GUCY2C: variants seen among roughly 807,000 people sequenced by gnomAD.
GUCY2C encodes guanylate cyclase 2C, also known as guanylyl cyclase C.
In GUCY2C, 118 loss-of-function variants were observed where a neutral mutation model predicts 131.1. That is an observed-to-expected ratio of 0.90 (90% CI 0.78 to 1.05). GUCY2C has a LOEUF of 1.05. Among genes scored for constraint, GUCY2C ranks in the 50% least tolerant of loss-of-function variants. The pLI, the probability that GUCY2C is intolerant of heterozygous loss-of-function variation, is 0.00. For missense variants in GUCY2C, 1,161 were observed against 1,304.4 expected, an observed-to-expected ratio of 0.89 and a Z score of 1.69; for synonymous variants, 452 against 457.8, an observed-to-expected ratio of 0.99 and a Z score of 0.16.
chr12:14,691,495 C>T (rs1948573787), intron 1 of GUCY2C, among the ~76,000 whole-genome samples: 2 of 152,072 alleles, frequency 1.3e-5, no homozygotes, highest in African/African-American at 4.8e-5. Flanking sequence ...ATGTGAGGAA[C>T]TGTAGAAAAT....
intron 25 of GUCY2C, 150 bp from the exon 26 acceptor site, chr12:14,615,093 A>T: frequency 1.9e-6 from 1 of 519,158 alleles, no homozygotes; most frequent in Non-Finnish European, 3.4e-6. Flanking sequence ...CATTCCTGTT[A>T]TGATTTGCAT....
intron 10 of GUCY2C, among the ~76,000 whole-genome samples, chr12:14,663,572 T>G (rs574953598): frequency 5.3e-5 from 8 of 152,334 alleles, no homozygotes; most frequent in African/African-American, 1.4e-4. Flanking sequence ...CGTGAGCCAC[T>G]GTGCCCAGCC....
At chr12:14,669,231 G>T (rs557287053) in intron 10 of GUCY2C, among the ~76,000 whole-genome samples, 1 of 148,878 alleles carries the variant, frequency 6.7e-6, no homozygotes, top group African/African-American at 2.5e-5. Flanking sequence ...TTTGAGACAG[G>T]ATCTCACTCT....
At chr12:14,651,172 C>G (rs993199219) in intron 15 of GUCY2C, among the ~76,000 whole-genome samples, 6 of 152,148 alleles carry the variant, frequency 3.9e-5, no homozygotes, top group Non-Finnish European at 8.8e-5. Context: ...TTTTCCACTT[C>G]CATTCTCTGT....
chr12:14,622,025 C>T lies in GUCY2C; in HGVS notation c.2581G>A (p.Asp861Asn), dbSNP rs755853968. 18 of 1,604,124 alleles carry T rather than the reference C, an allele frequency of 1.1e-5. No homozygotes were observed. The South Asian group carries it at 1.9e-4, about 17-fold the overall frequency. ...DIYKSFDHIVDHHDVYKVETI... is the reference protein window; with the variant it reads ...DIYKSFDHIVNHHDVYKVETI... ...GTTACCTTGTAGACATCATGATGAT[C>T]AACAATGTGGTCAAAACTCTTATAG... Residue 861 changes from aspartate (D) to asparagine (N), a missense_variant, in exon 22 of 27, where the codon GAT (aspartate) becomes AAT (asparagine). By Grantham distance (23) the Asp-to-Asn change is conservative. Transcript: ENST00000261170.
chr12:14,675,762 A>G (rs1048636204), intron 7 of GUCY2C, among the ~76,000 whole-genome samples: 2 of 152,232 alleles, frequency 1.3e-5, no homozygotes, highest in Admixed American at 6.5e-5. Context: ...TACCTCCGGC[A>G]TGTTGGACTG....
intron 10 of GUCY2C, among the ~76,000 whole-genome samples, chr12:14,669,371 AT>A (rs796096394): frequency 3.5e-3 from 494 of 139,900 alleles, no homozygotes; most frequent in Non-Finnish European, 3.7e-3. Flanking sequence ...TGCCTGGGTA[AT>A]TTTTTTTTTT....
At chr12:14,669,093 G>A (rs558518241) in intron 10 of GUCY2C, among the ~76,000 whole-genome samples, 3 of 152,226 alleles carry the variant, frequency 2.0e-5, no homozygotes, top group African/African-American at 4.8e-5. Flanking sequence ...ATTTTTGCCA[G>A]TTGTCAAACC....
At chr12:14,687,858 G>A (rs1159739349) in intron 2 of GUCY2C, 93 bp downstream of exon 2, 1 of 735,160 alleles carries the variant, frequency 1.4e-6, no homozygotes, top group Non-Finnish European at 2.5e-6. Flanking sequence ...GAGATGATGG[G>A]AGAGCTGCTT....
intron 2 of GUCY2C, among the ~76,000 whole-genome samples, chr12:14,687,387 A>G (rs550918904): frequency 1.3e-5 from 2 of 152,320 alleles, no homozygotes; most frequent in South Asian, 2.1e-4. Context: ...TGGGAGGCCA[A>G]TGGGGGCAGA....
chr12:14,619,107 C>A (rs1178708054), intron 24 of GUCY2C, 104 bp downstream of exon 24: 3 of 648,424 alleles, frequency 4.6e-6, no homozygotes, highest in Non-Finnish European at 8.4e-6. Context: ...TATTCTACAT[C>A]TCACTGGCAC....
At chr12:14,680,548 G>C (rs1948328528) in intron 5 of GUCY2C, among the ~76,000 whole-genome samples, 1 of 152,132 alleles carries the variant, frequency 6.6e-6, no homozygotes. Context: ...AATCCACCAA[G>C]CAAGTATCTT....
At chr12:14,623,016 G>C (rs1946926306) in intron 21 of GUCY2C, among the ~76,000 whole-genome samples, 1 of 152,166 alleles carries the variant, frequency 6.6e-6, no homozygotes, top group South Asian at 2.1e-4. Flanking sequence ...TCACTTTGTA[G>C]TGGCCCTCAG....
At chr12:14,676,442 C>G (rs1053057065) in intron 7 of GUCY2C, among the ~76,000 whole-genome samples, 1 of 152,208 alleles carries the variant, frequency 6.6e-6, no homozygotes, top group African/African-American at 2.4e-5. Context: ...ATTTTAATAT[C>G]AGTGACAGGA....
chr12:14,629,570 T>C (rs1190787107), intron 19 of GUCY2C, among the ~76,000 whole-genome samples: 2 of 152,174 alleles, frequency 1.3e-5, no homozygotes, highest in Non-Finnish European at 2.9e-5. Context: ...TCCCTGTAAC[T>C]GGTTACAGAA....
intron 23 of GUCY2C, among the ~76,000 whole-genome samples, chr12:14,620,603 G>A (rs890104384): frequency 6.6e-6 from 1 of 152,082 alleles, no homozygotes; most frequent in Non-Finnish European, 1.5e-5. Context: ...GGAAGGGAGG[G>A]GGTATAAATA....
intron 1 of GUCY2C, among the ~76,000 whole-genome samples, chr12:14,691,198 T>C (rs764074050): frequency 6.6e-6 from 1 of 152,214 alleles, no homozygotes; most frequent in Non-Finnish European, 1.5e-5. Context: ...TGATACTTTA[T>C]TCAGTAAGAT....
chr12:14,665,657 G>C (rs1317581954), intron 10 of GUCY2C: 1 of 152,202 alleles, frequency 6.6e-6, no homozygotes, highest in Non-Finnish European at 1.5e-5. Context: ...ACTTGGATGA[G>C]GACGGGCACC....
Position 14,619,201 on chromosome 12 carries a change from C to T in GUCY2C, c.2875+10G>A, listed in dbSNP as rs755854963. 6.6e-7 allele frequency: 1 copy of T among 1,514,066 alleles called. No individual in the cohort carries two copies. Among genetic ancestry groups the T allele is most frequent in the African/African-American group, 1.4e-5 (1 of 72,944 alleles). 93.8% of individuals were successfully genotyped at this position (1,514,066 alleles called of 1,614,324 possible). ...CTTTGTCCTCTGAGAAAAACAGTCTCCCTTCTTACGGAGGCCAGTGGATTC... is the reference window on the plus strand; with the variant it reads ...CTTTGTCCTCTGAGAAAAACAGTCTTCCTTCTTACGGAGGCCAGTGGATTC... On this transcript the variant is annotated intron_variant, in intron 24 of 26. Transcript: ENST00000261170.
Sources: allele counts gnomAD v4.1 joint callset (sites outside exome capture counted in the v4.1 genomes callset), GRCh38; gene constraint gnomAD v4.1.1; transcripts MANE v1.5; gene names NCBI Gene and HGNC (gene_info 2026-07-23, HGNC 2026-07-21).